The following PLCH1 variants were observed in gnomAD, a reference collection of about 807,000 sequenced individuals.
PLCH1 encodes 1-phosphatidylinositol 4,5-bisphosphate phosphodiesterase eta-1.
PLCH1 carries 60 observed loss-of-function variants against 126.7 expected under a neutral mutation model. The ratio of observed to expected loss-of-function variants is 0.47; its 90% CI spans 0.38 to 0.59. The LOEUF is 0.59. Ranked by LOEUF, PLCH1 falls within the 20% of genes least tolerant of loss-of-function variation. The probability of loss-of-function intolerance (pLI) is 0.00; values close to 1 mark genes in which losing one functional copy is unlikely to be tolerated. For synonymous variants in PLCH1, 719 were observed against 734.9 expected (o/e 0.98, Z 0.35); for missense variants, 1,723 against 2,040.0 (o/e 0.84, Z 2.99).
At chr3:155,611,916 T>A (rs1201454600) in intron 2 of PLCH1, among the ~76,000 whole-genome samples, 1 of 152,210 alleles carries the variant, frequency 6.6e-6, no homozygotes, top group African/African-American at 2.4e-5. Flanking sequence ...CAGAATGAAT[T>A]TTGAGTCAAC....
chr3:155,564,852 C>A, intron 8 of PLCH1, 63 bp downstream of exon 8: 1 of 1,030,634 alleles, frequency 9.7e-7, no homozygotes, highest in Non-Finnish European at 1.5e-6. Flanking sequence ...ATACTAGACT[C>A]GACAGACTGA....
intron 5 of PLCH1, among the ~76,000 whole-genome samples, chr3:155,584,369 A>G (rs1731090110): frequency 6.6e-6 from 1 of 152,226 alleles, no homozygotes; most frequent in East Asian, 1.9e-4. Context: ...CCAAAGATAG[A>G]GTTGATGCTC....
At chr3:155,692,033 A>G (rs2109044044) in intron 2 of PLCH1, among the ~76,000 whole-genome samples, 1 of 152,272 alleles carries the variant, frequency 6.6e-6, no homozygotes. Context: ...CTGTCTAAAA[A>G]AAAAAAAAAA....
intron 8 of PLCH1, among the ~76,000 whole-genome samples, chr3:155,558,990 T>G (rs780637830): frequency 1.1e-4 from 17 of 152,160 alleles, no homozygotes; most frequent in Non-Finnish European, 2.4e-4. Flanking sequence ...TAATCACAAA[T>G]GAAGCAAATT....
At chr3:155,605,801 C>T (rs75468109) in intron 2 of PLCH1, among the ~76,000 whole-genome samples, 2 of 152,244 alleles carry the variant, frequency 1.3e-5, no homozygotes, top group African/African-American at 4.8e-5. Context: ...TGAACAACTT[C>T]TAACTTCCTG....
At chr3:155,491,720 G>T (rs977783962) in intron 18 of PLCH1, among the ~76,000 whole-genome samples, 1 of 152,134 alleles carries the variant, frequency 6.6e-6, no homozygotes, top group African/African-American at 2.4e-5. Flanking sequence ...CTGTGATAGG[G>T]GTTGGTGTTT....
rs1576919664 is a variant in PLCH1 at position 155,529,053 on chromosome 3, A to G, written c.1363-5049T>C. Among the ~76,000 whole-genome samples the G allele has an allele frequency of 2.0e-5, 3 of 152,356 alleles. No individual in the cohort carries two copies. The South Asian group carries it at 6.2e-4, about 32-fold the overall frequency. On this transcript the variant is annotated intron_variant, in intron 10 of 22. Coordinates refer to ENST00000460012, the MANE Select transcript of PLCH1 (RefSeq NM_014996.4). Reference sequence around the variant, plus strand: ...GTGTTACTCCAAAGGAAAATTATAAAATAAATTTAGATAGCACTTTATATG... The same window carrying G: ...GTGTTACTCCAAAGGAAAATTATAAGATAAATTTAGATAGCACTTTATATG...
intron 2 of PLCH1, among the ~76,000 whole-genome samples, chr3:155,598,705 T>C (rs552811587): frequency 6.6e-6 from 1 of 152,180 alleles, no homozygotes; most frequent in Non-Finnish European, 1.5e-5. Flanking sequence ...TATGACTACA[T>C]ACAGCTAGTA....
At chr3:155,485,191 C>A (rs986232460) in intron 22 of PLCH1, among the ~76,000 whole-genome samples, 165 bp downstream of exon 22, 4 of 152,092 alleles carry the variant, frequency 2.6e-5, no homozygotes, top group Admixed American at 6.5e-5. Context: ...ATCTACCTGG[C>A]CCCCAAAGTT....
chr3:155,689,842 A>G (rs1745239871), intron 2 of PLCH1, among the ~76,000 whole-genome samples: 1 of 152,122 alleles, frequency 6.6e-6, no homozygotes, highest in African/African-American at 2.4e-5. Context: ...AAGTAGAGAG[A>G]CAGAAGTAGA....
intron 2 of PLCH1, among the ~76,000 whole-genome samples, chr3:155,596,836 A>G (rs1373102273): frequency 6.6e-6 from 1 of 152,252 alleles, no homozygotes; most frequent in African/African-American, 2.4e-5. Context: ...GATAATGATT[A>G]CATATGAATT....
intron 4 of PLCH1, among the ~76,000 whole-genome samples, chr3:155,592,570 G>A (rs955136146): frequency 2.0e-5 from 3 of 151,922 alleles, no homozygotes; most frequent in Non-Finnish European, 4.4e-5. Flanking sequence ...ACTGCCTAAA[G>A]CTGCAGCAGT....
At chr3:155,486,100 A>C (rs749552096) in intron 21 of PLCH1, 1 of 1,232,192 alleles carries the variant, frequency 8.1e-7, no homozygotes, top group South Asian at 1.4e-5. Context: ...ATAACCACTT[A>C]AAAAGAAATA....
chr3:155,580,158 T>C (rs975473134), intron 6 of PLCH1, among the ~76,000 whole-genome samples: 1 of 152,246 alleles, frequency 6.6e-6, no homozygotes, highest in Non-Finnish European at 1.5e-5. Flanking sequence ...TAATCATTTG[T>C]TCACTGTTTT....
chr3:155,582,075 C>CTTTTTTTTTTTTTTTTTTTT (rs869254665), intron 6 of PLCH1, among the ~76,000 whole-genome samples: 2 of 64,120 alleles, frequency 3.1e-5, no homozygotes, highest in African/African-American at 6.2e-5. Flanking sequence ...TCTTTTCTTT[C>CTTTTTTTTTTTTTTTTTTTT]TTTTTTTTTT....
At chr3:155,476,583 C>T (rs1477816752), downstream of PLCH1, among the ~76,000 whole-genome samples, 1 of 151,460 alleles carries the variant, frequency 6.6e-6, no homozygotes, top group Non-Finnish European at 1.5e-5. Flanking sequence ...AACTGATAAA[C>T]AAATTCAGCA....
At chr3:155,477,416 G>T (rs574777065), downstream of PLCH1, among the ~76,000 whole-genome samples, 36 of 152,110 alleles carry the variant, frequency 2.4e-4, no homozygotes, top group East Asian at 5.8e-4. Context: ...AAGTTAAAAG[G>T]CTTCTGCACA....
intron 2 of PLCH1, among the ~76,000 whole-genome samples, chr3:155,622,027 C>G (rs557698760): frequency 6.6e-6 from 1 of 152,244 alleles, no homozygotes; most frequent in African/African-American, 2.4e-5. Context: ...GTCAGGTTAC[C>G]CACAAAGGGA....
At chr3:155,591,984 C>A (rs2108634698) in intron 4 of PLCH1, among the ~76,000 whole-genome samples, 1 of 152,012 alleles carries the variant, frequency 6.6e-6, no homozygotes, top group Non-Finnish European at 1.5e-5. Context: ...GTGATTCCAG[C>A]CAGGAGCCAT....
Sources: allele counts gnomAD v4.1 joint callset (sites outside exome capture counted in the v4.1 genomes callset), GRCh38; gene constraint gnomAD v4.1.1; transcripts MANE v1.5; gene names NCBI Gene and HGNC (gene_info 2026-07-23, HGNC 2026-07-21).